The following PALM2AKAP2 variants were observed in gnomAD, a reference collection of about 807,000 sequenced individuals.
PALM2AKAP2 encodes the protein PALM2-AKAP2 fusion protein.
Under a neutral mutation model 71.5 loss-of-function variants are expected in PALM2AKAP2, and 37 were observed. That is an observed-to-expected ratio of 0.52 (90% confidence interval 0.40 to 0.68). PALM2AKAP2 has a LOEUF of 0.68. PALM2AKAP2 is among the 30% of genes least tolerant of loss of function. The pLI is 0.00. For synonymous variants in PALM2AKAP2, 468 were observed against 478.8 expected (o/e 0.98, Z 0.29); for missense variants, 1,224 against 1,191.8 (o/e 1.03, Z -0.40).
At chr9:109,857,449 A>C (rs76575801) in intron 1 of PALM2AKAP2, among the ~76,000 whole-genome samples, 1,741 of 152,348 alleles carry the variant, frequency 0.011, 29 homozygotes, top group African/African-American at 0.04. Flanking sequence ...TTTGAAATTG[A>C]GAAATGCTCA....
intron 3 of PALM2AKAP2, among the ~76,000 whole-genome samples, chr9:109,897,359 A>G (rs1231786493): frequency 6.6e-6 from 1 of 152,056 alleles, no homozygotes; most frequent in Non-Finnish European, 1.5e-5. Context: ...AGGCAGGTGG[A>G]TCACGAGTTC....
intron 7 of PALM2AKAP2, chr9:110,024,800 G>T: frequency 1.6e-6 from 1 of 640,066 alleles, no homozygotes; most frequent in Non-Finnish European, 2.7e-6. Context: ...AAAAAAAAAA[G>T]ATATGCCAGT....
intron 1 of PALM2AKAP2, among the ~76,000 whole-genome samples, chr9:110,117,039 T>C (rs1036168405): frequency 6.6e-6 from 1 of 152,232 alleles, no homozygotes; most frequent in Non-Finnish European, 1.5e-5. Flanking sequence ...TATGATACTC[T>C]CAATCCTTGC....
chr9:109,735,971 G>A lies in PALM2AKAP2; in HGVS notation c.6-44517G>A, dbSNP rs563533496. ...ATGAGAAGAAGAAAGCCAAGTAGGC[G>A]TTTCTCCCATGGTAGTTATCTTTAG... On this transcript the variant is annotated intron_variant, in intron 1 of 6. Coordinates refer to the PALM2AKAP2 transcript ENST00000374531. Among the ~76,000 whole-genome samples, 62 of 152,310 alleles carry A rather than the reference G, an allele frequency of 4.1e-4. 1 individual carries two copies. Among genetic ancestry groups the A allele is most frequent in the African/African-American group, 1.3e-3 (53 of 41,568 alleles).
upstream of PALM2AKAP2, among the ~76,000 whole-genome samples, chr9:110,045,237 T>C (rs2132476887): frequency 6.6e-6 from 1 of 152,346 alleles, no homozygotes; most frequent in East Asian, 1.9e-4. Context: ...TGGGAACATG[T>C]AACATTTACA....
chr9:110,014,384 T>A (rs1832932815), intron 6 of PALM2AKAP2, among the ~76,000 whole-genome samples: 1 of 152,170 alleles, frequency 6.6e-6, no homozygotes, highest in African/African-American at 2.4e-5. Context: ...TTGTATTTGC[T>A]TGTTAAAGGA....
chr9:110,138,434 G>A, exon 2 of PALM2AKAP2: 15 of 1,614,226 alleles, frequency 9.3e-6, no homozygotes, highest in Non-Finnish European at 1.3e-5. Context: ...TCAGGAAAGG[G>A]AAGAGGAGCT....
At chr9:110,081,175 GAAAGAA>G (rs1324888912) in intron 1 of PALM2AKAP2, among the ~76,000 whole-genome samples, 2 of 152,352 alleles carry the variant, frequency 1.3e-5, no homozygotes, top group Admixed American at 6.5e-5. Flanking sequence ...GGGTCTTGCA[GAAAGAA>G]TATGCACATT....
chr9:110,000,379 A>T (rs1832660863), intron 6 of PALM2AKAP2, among the ~76,000 whole-genome samples: 1 of 152,176 alleles, frequency 6.6e-6, no homozygotes, highest in African/African-American at 2.4e-5. Context: ...TCCATGGTGT[A>T]TGTGTGCCAC....
chr9:109,664,350 T>A (rs1827445616), intron 1 of PALM2AKAP2, among the ~76,000 whole-genome samples: 2 of 152,240 alleles, frequency 1.3e-5, no homozygotes, highest in Non-Finnish European at 2.9e-5. Flanking sequence ...CCATGTTTAG[T>A]GCCTCCTTCA....
chr9:109,899,126 C>T (rs1226228693), intron 3 of PALM2AKAP2, among the ~76,000 whole-genome samples: 2 of 151,892 alleles, frequency 1.3e-5, no homozygotes, highest in South Asian at 2.1e-4. Flanking sequence ...TAGCCAACTG[C>T]CCCCTAACCA....
chr9:109,699,778 AT>A (rs374704175), intron 1 of PALM2AKAP2, among the ~76,000 whole-genome samples: 48 of 113,248 alleles, frequency 4.2e-4, no homozygotes, highest in Admixed American at 1.2e-3. Context: ...ACCTTTATTT[AT>A]TTTTTTTTTT....
intron 1 of PALM2AKAP2, among the ~76,000 whole-genome samples, chr9:110,088,638 A>G (rs1834626126): frequency 6.6e-6 from 1 of 151,386 alleles, no homozygotes; most frequent in Admixed American, 6.6e-5. Context: ...CCTCAAAATA[A>G]AGAGCTATAT....
chr9:109,828,682 G>C (rs1828220054), intron 1 of PALM2AKAP2, among the ~76,000 whole-genome samples: 1 of 152,162 alleles, frequency 6.6e-6, no homozygotes, highest in Admixed American at 6.5e-5. Flanking sequence ...TACAAAATGG[G>C]AATTTCTTTC....
chr9:110,162,226 T>C, intron 3 of PALM2AKAP2, 94 bp downstream of exon 10: 8 of 1,542,344 alleles, frequency 5.2e-6, no homozygotes, highest in South Asian at 1.1e-5. Context: ...TAAACGAAAA[T>C]GGCAAGAAAA....
At chr9:109,881,478 T>C (rs1829849066) in intron 3 of PALM2AKAP2, among the ~76,000 whole-genome samples, 2 of 152,334 alleles carry the variant, frequency 1.3e-5, no homozygotes, top group African/African-American at 4.8e-5. Context: ...AGTCTTGGGA[T>C]TGAAATGAAG....
At chr9:109,968,280 A>T (rs1032885545) in intron 6 of PALM2AKAP2, among the ~76,000 whole-genome samples, 9 of 152,152 alleles carry the variant, frequency 5.9e-5, no homozygotes, top group Admixed American at 6.5e-5. Flanking sequence ...CGTACCCCAT[A>T]GGCTGTGGAA....
intron 3 of PALM2AKAP2, among the ~76,000 whole-genome samples, chr9:109,912,971 T>C (rs1003187478): frequency 1.3e-5 from 2 of 152,248 alleles, no homozygotes; most frequent in South Asian, 4.1e-4. Context: ...GATATGTTTC[T>C]ACTCCTTGGC....
intron 6 of PALM2AKAP2, among the ~76,000 whole-genome samples, chr9:109,954,227 TTGC>T (rs1831702809): frequency 6.6e-6 from 1 of 152,212 alleles, no homozygotes; most frequent in Admixed American, 6.5e-5. Flanking sequence ...TTTGTTATTG[TTGC>T]TGATGATGGT....
Sources: gnomAD v4.1 joint callset for allele counts (sites outside exome capture counted in the v4.1 genomes callset) on GRCh38, gnomAD v4.1.1 for gene constraint, MANE v1.5 for transcripts, NCBI Gene and HGNC (gene_info 2026-07-23, HGNC 2026-07-21) for gene names.